The following EXOC6B variants were observed in gnomAD, a reference collection of about 807,000 sequenced individuals.
EXOC6B encodes SEC15 homolog B.
EXOC6B carries 54 observed loss-of-function variants against 113.5 expected under a neutral mutation model. That is an observed-to-expected ratio of 0.48 (90% confidence interval 0.38 to 0.60). The LOEUF (loss-of-function observed/expected upper bound fraction) is 0.60. Among genes scored for constraint, EXOC6B ranks in the 20% least tolerant of loss-of-function variants. EXOC6B has a pLI of 0.00. For synonymous variants in EXOC6B, 357 were observed against 339.0 expected (o/e 1.05, Z -0.58); for missense variants, 797 against 977.5 (o/e 0.82, Z 2.46).
At chr2:72,469,641 G>A (rs538902783) in intron 17 of EXOC6B, among the ~76,000 whole-genome samples, 1 of 151,906 alleles carries the variant, frequency 6.6e-6, no homozygotes, top group South Asian at 2.1e-4. Context: ...GGTCTGAGAG[G>A]AATGTTAGTA....
intron 18 of EXOC6B, among the ~76,000 whole-genome samples, chr2:72,408,209 T>C (rs192362288): frequency 1.2e-4 from 19 of 152,078 alleles, no homozygotes; most frequent in Non-Finnish European, 2.4e-4. Flanking sequence ...CTCAGTGAAA[T>C]AAAAAAGGAT....
At chr2:72,193,072 T>C (rs1678948900) in intron 20 of EXOC6B, among the ~76,000 whole-genome samples, 1 of 152,190 alleles carries the variant, frequency 6.6e-6, no homozygotes, top group Non-Finnish European at 1.5e-5. Flanking sequence ...ATGAAACTAA[T>C]TACATCATTA....
intron 20 of EXOC6B, among the ~76,000 whole-genome samples, chr2:72,289,410 G>A (rs1393969875): frequency 1.3e-5 from 2 of 152,102 alleles, no homozygotes; most frequent in Non-Finnish European, 2.9e-5. Flanking sequence ...TACTGCTTGA[G>A]ATCCTCTAAG....
At chr2:72,284,712 A>G (rs1384272916) in intron 20 of EXOC6B, among the ~76,000 whole-genome samples, 1 of 152,052 alleles carries the variant, frequency 6.6e-6, no homozygotes, top group Non-Finnish European at 1.5e-5. Flanking sequence ...AGAAGACATG[A>G]TTTTCTATAG....
intron 6 of EXOC6B, among the ~76,000 whole-genome samples, chr2:72,582,972 A>C (rs890786719): frequency 3.9e-5 from 6 of 152,220 alleles, no homozygotes; most frequent in African/African-American, 1.2e-4. Flanking sequence ...AAATTAATCA[A>C]GGAAATGAAG....
At chr2:72,274,870 G>A (rs2104644144) in intron 20 of EXOC6B, among the ~76,000 whole-genome samples, 1 of 152,222 alleles carries the variant, frequency 6.6e-6, no homozygotes, top group African/African-American at 2.4e-5. Context: ...CAAAACAAAA[G>A]GGACCCAAAT....
intron 20 of EXOC6B, among the ~76,000 whole-genome samples, chr2:72,248,625 G>A (rs1682815108): frequency 1.3e-5 from 2 of 152,140 alleles, no homozygotes; most frequent in Admixed American, 6.5e-5. Flanking sequence ...GATCCTGCCT[G>A]TCTTGTTCAT....
At chr2:72,566,846 T>C (rs1485059281) in intron 7 of EXOC6B, among the ~76,000 whole-genome samples, 1 of 151,992 alleles carries the variant, frequency 6.6e-6, no homozygotes, top group East Asian at 1.9e-4. Flanking sequence ...GCAGTAAAAA[T>C]AGAATGAGAA....
chr2:72,215,325 A>C (rs1218004890), intron 20 of EXOC6B, among the ~76,000 whole-genome samples: 2 of 152,104 alleles, frequency 1.3e-5, no homozygotes, highest in African/African-American at 4.8e-5. Context: ...CATCTCTTTA[A>C]TTTATCACTC....
chr2:72,572,341 A>G (rs1465338320), intron 7 of EXOC6B, among the ~76,000 whole-genome samples: 3 of 152,172 alleles, frequency 2.0e-5, no homozygotes, highest in Non-Finnish European at 2.9e-5. Flanking sequence ...GCATTATAAT[A>G]TGCTTCCCAG....
At chr2:72,560,720 A>G (rs1703843879) in intron 7 of EXOC6B, among the ~76,000 whole-genome samples, 1 of 152,112 alleles carries the variant, frequency 6.6e-6, no homozygotes, top group South Asian at 2.1e-4. Context: ...TTAAATCTCT[A>G]TATTTAAGTT....
intron 20 of EXOC6B, among the ~76,000 whole-genome samples, chr2:72,259,989 C>T (rs1683612667): frequency 6.6e-6 from 1 of 151,682 alleles, no homozygotes; most frequent in African/African-American, 2.4e-5. Flanking sequence ...AAGGTCAAGG[C>T]TGCAGTGAGC....
intron 20 of EXOC6B, among the ~76,000 whole-genome samples, chr2:72,252,153 C>T (rs1454086131): frequency 2.0e-5 from 3 of 152,112 alleles, no homozygotes; most frequent in South Asian, 4.1e-4. Context: ...AGTATTAGGG[C>T]ACAAGAAAGG....
At chr2:72,431,072 A>C (rs1176702447) in intron 18 of EXOC6B, among the ~76,000 whole-genome samples, 1 of 152,234 alleles carries the variant, frequency 6.6e-6, no homozygotes, top group Non-Finnish European at 1.5e-5. Context: ...TACTTTAATC[A>C]TAATGGAACT....
rs547058217 is a variant in EXOC6B at position 72,744,267 on chromosome 2, A to T, written c.114-2798T>A. On this transcript the variant is annotated intron_variant, in intron 1 of 21. Transcript: ENST00000272427. The stretch of plus-strand genomic sequence containing the variant: ...TATCCTCTCTGCTAAGCAACATATG[A>T]CTGTACATGTTTGGCTTCCAGTCAA... 6.2e-4 allele frequency among the ~76,000 whole-genome samples: 95 copies of T among 152,278 alleles called. No homozygotes were observed. In the South Asian group the frequency reaches 0.019, roughly 31 times the overall value.
At chr2:72,610,759 A>G (rs1671026113) in intron 6 of EXOC6B, among the ~76,000 whole-genome samples, 1 of 152,026 alleles carries the variant, frequency 6.6e-6, no homozygotes, top group Non-Finnish European at 1.5e-5. Context: ...GAAATTTAAT[A>G]CCCTCCACCA....
intron 18 of EXOC6B, among the ~76,000 whole-genome samples, chr2:72,421,680 C>A (rs1472411523): frequency 6.6e-6 from 1 of 152,252 alleles, no homozygotes; most frequent in Non-Finnish European, 1.5e-5. Flanking sequence ...TCGTCACAGC[C>A]CTCACTCGCT....
intron 20 of EXOC6B, among the ~76,000 whole-genome samples, chr2:72,322,736 G>C (rs963210736): frequency 2.6e-5 from 4 of 152,168 alleles, no homozygotes; most frequent in Middle Eastern, 3.4e-3. Flanking sequence ...ACAAGCAATG[G>C]GGAAAGGATT....
chr2:72,535,817 C>G (rs1011239148), intron 8 of EXOC6B, among the ~76,000 whole-genome samples: 1 of 150,992 alleles, frequency 6.6e-6, no homozygotes, highest in South Asian at 2.1e-4. Context: ...TTGTGGTGAG[C>G]CAAGATTGCG....
Sources: gnomAD v4.1 joint callset for allele counts (sites outside exome capture counted in the v4.1 genomes callset) on GRCh38, gnomAD v4.1.1 for gene constraint, MANE v1.5 for transcripts, NCBI Gene and HGNC (gene_info 2026-07-23, HGNC 2026-07-21) for gene names.